AGMO: variants seen among roughly 807,000 people sequenced by gnomAD.
The protein encoded by AGMO is glyceryl-ether monooxygenase.
In AGMO, 75 loss-of-function variants were observed where a neutral mutation model predicts 60.2. The observed-to-expected ratio is 1.25, with a 90% CI of 1.03 to 1.51. The LOEUF is 1.51. AGMO is among the 40% of genes most tolerant of loss of function. The probability of loss-of-function intolerance (pLI) is 0.00; values close to 1 mark genes in which losing one functional copy is unlikely to be tolerated. For synonymous variants in AGMO, 261 were observed against 177.1 expected (o/e 1.47, Z -3.76); for missense variants, 763 against 525.5 (o/e 1.45, Z -4.42).
At chr7:15,384,406 T>G (rs958858321) in intron 10 of AGMO, among the ~76,000 whole-genome samples, 2 of 152,250 alleles carry the variant, frequency 1.3e-5, no homozygotes, top group African/African-American at 4.8e-5. Context: ...ATTCATATAT[T>G]GTCAACATTT....
intron 12 of AGMO, among the ~76,000 whole-genome samples, chr7:15,354,825 C>T (rs978084497): frequency 4.0e-5 from 6 of 150,718 alleles, no homozygotes; most frequent in Middle Eastern, 3.4e-3. Context: ...TCGTAATTCA[C>T]GAGAATTTGT....
At chr7:15,281,350 T>C (rs1408926732) in intron 12 of AGMO, among the ~76,000 whole-genome samples, 11 of 152,168 alleles carry the variant, frequency 7.2e-5, no homozygotes, top group Non-Finnish European at 1.6e-4. Flanking sequence ...TGGGTTTACC[T>C]ATAGACAGCC....
the AGMO span, among the ~76,000 whole-genome samples, chr7:15,157,225 A>T: frequency 1.3e-5 from 2 of 152,036 alleles, no homozygotes; most frequent in Non-Finnish European, 2.9e-5. Flanking sequence ...AGGCACTCTT[A>T]CTCTCTCTTT....
the AGMO span, among the ~76,000 whole-genome samples, chr7:15,163,984 T>C: frequency 0.38 from 57,942 of 151,912 alleles, 12,555 homozygotes; most frequent in East Asian, 0.71. Context: ...TGTTGGGAGA[T>C]TTCTTATTAC....
chr7:15,430,326 C>T (rs1378165581), intron 4 of AGMO, among the ~76,000 whole-genome samples: 1 of 151,744 alleles, frequency 6.6e-6, no homozygotes, highest in East Asian at 1.9e-4. Flanking sequence ...CTTTCTAGCT[C>T]ACTGTTCAAC....
intron 3 of AGMO, among the ~76,000 whole-genome samples, chr7:15,477,456 G>A (rs963542308): frequency 7.9e-5 from 12 of 152,078 alleles, no homozygotes; most frequent in Non-Finnish European, 8.8e-5. Flanking sequence ...GCATATAATC[G>A]ATGTGAATGA....
chr7:15,238,820 A>G (rs543040765), intron 12 of AGMO, among the ~76,000 whole-genome samples: 2 of 152,256 alleles, frequency 1.3e-5, no homozygotes, highest in South Asian at 2.1e-4. Context: ...ATAGAAAGTC[A>G]TAAGTATAGT....
At chr7:15,496,550 C>CAAA (rs5882517) in intron 3 of AGMO, among the ~76,000 whole-genome samples, 4 of 148,982 alleles carry the variant, frequency 2.7e-5, no homozygotes, top group Non-Finnish European at 1.5e-5. Context: ...GCTGAGGAAT[C>CAAA]AAAAAAAAAA....
At chr7:15,326,503 G>C (rs1232308514) in intron 12 of AGMO, among the ~76,000 whole-genome samples, 2 of 152,028 alleles carry the variant, frequency 1.3e-5, no homozygotes, top group Non-Finnish European at 2.9e-5. Context: ...TACCTATTTT[G>C]GGAAGGCCTC....
chr7:15,370,643 G>C (rs1213820978), intron 10 of AGMO, among the ~76,000 whole-genome samples: 1 of 152,118 alleles, frequency 6.6e-6, no homozygotes, highest in African/African-American at 2.4e-5. Flanking sequence ...AATGATTAGT[G>C]ACGTTGATAA....
At chr7:15,326,707 G>A (rs1322914785) in intron 12 of AGMO, among the ~76,000 whole-genome samples, 1 of 152,064 alleles carries the variant, frequency 6.6e-6, no homozygotes, top group East Asian at 1.9e-4. Context: ...CCTATGAAAT[G>A]GATATAAGCT....
chr7:15,362,225 CAG>C (rs1219378714), intron 12 of AGMO, among the ~76,000 whole-genome samples: 1 of 151,950 alleles, frequency 6.6e-6, no homozygotes, highest in Non-Finnish European at 1.5e-5. Context: ...GAAGAAAACA[CAG>C]ATTTGAAATT....
At chr7:15,373,064 G>A (rs1783281552) in intron 10 of AGMO, among the ~76,000 whole-genome samples, 1 of 152,128 alleles carries the variant, frequency 6.6e-6, no homozygotes, top group African/African-American at 2.4e-5. Flanking sequence ...AGGAGTTCGA[G>A]ACCAGCCTGG....
intron 3 of AGMO, among the ~76,000 whole-genome samples, chr7:15,478,086 G>C (rs1314927966): frequency 6.6e-6 from 1 of 152,086 alleles, no homozygotes; most frequent in African/African-American, 2.4e-5. Flanking sequence ...CCACTCAGGA[G>C]TGTAAAAAAA....
intron 12 of AGMO, among the ~76,000 whole-genome samples, chr7:15,265,551 G>A (rs191062991): frequency 2.0e-5 from 3 of 151,808 alleles, no homozygotes; most frequent in African/African-American, 4.8e-5. Context: ...TAACTGTCAC[G>A]GAAATGCAAA....
intron 3 of AGMO, among the ~76,000 whole-genome samples, chr7:15,533,763 C>T (rs947957147): frequency 5.9e-5 from 9 of 152,132 alleles, no homozygotes; most frequent in Admixed American, 4.6e-4. Flanking sequence ...TTAACTACCA[C>T]CTGCACATCT....
chr7:15,409,283 T>C (rs1057219037), intron 5 of AGMO, among the ~76,000 whole-genome samples: 4 of 151,976 alleles, frequency 2.6e-5, no homozygotes, highest in African/African-American at 9.7e-5. Flanking sequence ...CCTTAGCCAA[T>C]GACCTTGATC....
intron 3 of AGMO, among the ~76,000 whole-genome samples, chr7:15,499,945 A>ATAAT (rs1215656377): frequency 1.7e-3 from 236 of 135,332 alleles, no homozygotes; most frequent in Non-Finnish European, 3.1e-3. Flanking sequence ...ATATATATAT[A>ATAAT]ATATATATAT....
chr7:15,155,300 A>AT, the AGMO span, among the ~76,000 whole-genome samples: 6 of 150,540 alleles, frequency 4.0e-5, no homozygotes, highest in Non-Finnish European at 8.9e-5. Context: ...GCATTAAAAA[A>AT]TTTTTTTCTT....
Sources: allele counts gnomAD v4.1 joint callset (sites outside exome capture counted in the v4.1 genomes callset), GRCh38; gene constraint gnomAD v4.1.1; transcripts MANE v1.5; gene names NCBI Gene and HGNC (gene_info 2026-07-23, HGNC 2026-07-21).